The following SEC62 variants were observed in gnomAD, a reference collection of about 807,000 sequenced individuals.
The protein encoded by SEC62 is SEC62 preprotein translocation factor.
SEC62 carries 10 observed loss-of-function variants against 47.5 expected under a neutral mutation model. The ratio of observed to expected loss-of-function variants is 0.21; its 90% CI spans 0.13 to 0.36. The LOEUF (loss-of-function observed/expected upper bound fraction) is 0.36. Ranked by LOEUF, SEC62 falls within the 10% of genes least tolerant of loss-of-function variation. SEC62 has a pLI of 1.00. For missense variants in SEC62, 327 were observed against 464.1 expected (o/e 0.70, Z 2.71); for synonymous variants, 136 against 150.5 (o/e 0.90, Z 0.71).
intron 3 of SEC62, among the ~76,000 whole-genome samples, chr3:169,978,099 G>A (rs947079377): frequency 6.6e-6 from 1 of 152,106 alleles, no homozygotes; most frequent in African/African-American, 2.4e-5. Flanking sequence ...CTAACAAGGT[G>A]AAACCCCATC....
chr3:169,992,930 G>A lies in SEC62; in HGVS notation c.1067G>A (p.Ser356Asn). 1 of 1,614,038 alleles carries A rather than the reference G, an allele frequency of 6.2e-7. No homozygotes were observed. The highest frequency in any genetic ancestry group is 8.5e-7 in the Non-Finnish European group (1 of 1,180,008). The change falls in exon 8 of 8, where the codon AGT becomes AAT. Residue 356 changes from serine (S) to asparagine (N), a missense_variant. This residue lies in a region of SEC62 where 102 missense variants were observed against 108.8 expected (regional missense o/e 0.94). Transcript: ENST00000337002. This position sits in a 1 kb window ranked among gnomAD's most constrained non-coding sequence, Gnocchi z 4.0. ...AGGGAAGATGATCGATCCCAGCACA[G>A]TAGTGGAAATGGAAATGATTTTGAA... ...DRREDDRSQH[S>N]SGNGNDFEMI... is the part of the protein sequence containing the mutation.
intron 6 of SEC62, among the ~76,000 whole-genome samples, chr3:169,987,977 A>G (rs1317937910): frequency 6.6e-6 from 1 of 152,238 alleles, no homozygotes; most frequent in East Asian, 1.9e-4. Context: ...AGGAGGCAAC[A>G]GTTTTGAATT....
At position 169,994,616 on chromosome 3, in the gene SEC62, A is replaced by G. The variant is rs1715331417; in HGVS notation, c.*1553A>G. 2.0e-5 allele frequency: 3 copies of G among 152,322 alleles called. No homozygotes were observed. The highest frequency in any genetic ancestry group is 3.9e-4 in the East Asian group (2 of 5,192). The allele number at this position is 152,322 out of a possible 1,614,324, so 9.4% of individuals were successfully genotyped here. ...GTTTCTTTTTAGCAAATAAATGTTC[A>G]TTGATGAAGTGCCTGGGTATTTTCC... On this transcript the variant is annotated 3_prime_UTR_variant, in exon 8 of 8. Transcript: ENST00000337002.
intron 3 of SEC62, among the ~76,000 whole-genome samples, chr3:169,980,117 A>C (rs1314634867): frequency 6.6e-6 from 1 of 152,250 alleles, no homozygotes; most frequent in African/African-American, 2.4e-5. Flanking sequence ...TCCCTACATC[A>C]AAACATATTC....
chr3:169,967,368 G>C (rs558449891), intron 1 of SEC62, among the ~76,000 whole-genome samples: 2 of 152,290 alleles, frequency 1.3e-5, no homozygotes, highest in African/African-American at 4.8e-5. Context: ...TCTGGACTTG[G>C]TCAGCTGCCT....
intron 5 of SEC62, 77 bp downstream of exon 5, chr3:169,983,330 A>G: frequency 1.2e-6 from 1 of 861,774 alleles, no homozygotes; most frequent in Non-Finnish European, 1.8e-6. Context: ...TTCACTAATA[A>G]AAGGAAAAAT....
At chr3:169,983,884 T>G (rs1715036799) in intron 5 of SEC62, 1 of 152,200 alleles carries the variant, frequency 6.6e-6, no homozygotes, top group African/African-American at 2.4e-5. Context: ...AGGAGATAGC[T>G]ACAAGTCTCT....
intron 7 of SEC62, among the ~76,000 whole-genome samples, chr3:169,990,022 CATATATATCAT>C (rs1559967907): frequency 3.5e-5 from 5 of 141,176 alleles, no homozygotes; most frequent in Admixed American, 1.4e-4. Context: ...TATTATATAT[CATATATATCAT>C]ATAATATATA....
chr3:169,981,912 G>C (rs1268944666), intron 3 of SEC62, among the ~76,000 whole-genome samples: 1 of 152,130 alleles, frequency 6.6e-6, no homozygotes, highest in Non-Finnish European at 1.5e-5. Context: ...TTGTGGTTGA[G>C]GGAAAACTTG....
chr3:169,983,618 A>G lies in SEC62; in HGVS notation c.549+365A>G, dbSNP rs1715030691. 1.9e-5 allele frequency: 3 copies of G among 157,592 alleles called. No individual in the cohort carries two copies. In the Admixed American group the frequency reaches 1.9e-4, roughly 10 times the overall value. The allele number at this position is 157,592 out of a possible 1,614,324, so 9.8% of individuals were successfully genotyped here. On this transcript the variant is annotated intron_variant, in intron 5 of 7. Coordinates refer to ENST00000337002, the MANE Select transcript of SEC62 (RefSeq NM_003262.4). ...TAAGGTTACCTTATGGTCCAGAATG[A>G]CTGCCAATCTTATATCTGCATCGAA... is the stretch of plus-strand genomic sequence containing the variant.
chr3:169,994,512 A>G lies in SEC62; in HGVS notation c.*1449A>G, dbSNP rs546527426. ...TTAAACTTGGCTTGATTGCTTCTTT[A>G]TAGTAGTCCCTGTAAGTGGACATAA... On this transcript the variant is annotated 3_prime_UTR_variant, in exon 8 of 8. Transcript: ENST00000337002. 12 of 152,722 alleles carry G rather than the reference A, an allele frequency of 7.9e-5. No individual in the cohort carries two copies. In the South Asian group the frequency reaches 2.5e-3, roughly 32 times the overall value. The allele number at this position is 152,722 out of a possible 1,614,324, so 9.5% of individuals were successfully genotyped here.
At position 169,982,737 on chromosome 3, in the gene SEC62, C is replaced by G. The variant is rs35176867; in HGVS notation, c.282C>G (p.Ala94=). The change falls in exon 4 of 8, where the codon GCC becomes GCG. Residue 94 remains alanine, a synonymous_variant. Transcript: ENST00000337002. ...RLLKKQFFHR[A]LKVMKMKYDK... ...TAAAGAAGCAGTTTTTTCACCGAGC[C>G]CTAAAAGTAATGAAAATGAAATATG... The G allele has an allele frequency of 3.2e-3, 5,211 of 1,604,808 alleles. 177 individuals carry two copies. In the African/African-American group the frequency reaches 0.063, roughly 20 times the overall value.
Position 169,982,746 on chromosome 3 carries a change from A to C in SEC62, c.291A>C (p.Val97=), listed in dbSNP as rs140128825. 3.1e-4 allele frequency: 501 copies of C among 1,608,634 alleles called. No individual in the cohort carries two copies. Among genetic ancestry groups the C allele is most frequent in the Non-Finnish European group, 4.1e-4 (479 of 1,176,656 alleles). ...KKQFFHRALK[V]MKMKYDKDIK... The stretch of plus-strand genomic sequence containing the variant: ...AGTTTTTTCACCGAGCCCTAAAAGT[A>C]ATGAAAATGAAATATGATAAAGACA... Residue 97 remains valine (V), a synonymous_variant, in exon 4 of 8, where the codon GTA becomes GTC. Transcript: ENST00000337002.
intron 1 of SEC62, among the ~76,000 whole-genome samples, chr3:169,968,762 T>A (rs1489092126): frequency 6.6e-6 from 1 of 152,184 alleles, no homozygotes; most frequent in Non-Finnish European, 1.5e-5. Context: ...TTCAGTAAAC[T>A]ATTAGGTTGG....
At chr3:169,991,979 A>C (rs1390309918) in intron 7 of SEC62, among the ~76,000 whole-genome samples, 3 of 152,238 alleles carry the variant, frequency 2.0e-5, no homozygotes, top group Non-Finnish European at 4.4e-5. Context: ...TATAATATTT[A>C]ATAGTTTTTG....
intron 3 of SEC62, among the ~76,000 whole-genome samples, chr3:169,980,401 CCAAA>C (rs796084920): frequency 1.1e-4 from 16 of 151,674 alleles, no homozygotes; most frequent in African/African-American, 3.9e-4. Context: ...GGGTTTAAAG[CCAAA>C]CAAACGGAGG....
intron 2 of SEC62, among the ~76,000 whole-genome samples, chr3:169,976,658 A>G (rs1237911235): frequency 2.6e-5 from 4 of 152,346 alleles, no homozygotes; most frequent in African/African-American, 7.2e-5. Context: ...TGATAGTTAC[A>G]TACAGATATT....
chr3:169,986,484 A>G (rs774654897), intron 6 of SEC62, among the ~76,000 whole-genome samples: 8 of 152,172 alleles, frequency 5.3e-5, no homozygotes, highest in South Asian at 2.1e-4. Context: ...AATTTACCCT[A>G]TGCCATAATC....
chr3:169,979,456 T>C (rs1221753073), intron 3 of SEC62, among the ~76,000 whole-genome samples: 1 of 152,244 alleles, frequency 6.6e-6, no homozygotes, highest in African/African-American at 2.4e-5. Flanking sequence ...TTTTATGGCC[T>C]ATATCATGAA....
Sources: allele counts gnomAD v4.1 joint callset (sites outside exome capture counted in the v4.1 genomes callset), GRCh38; gene constraint gnomAD v4.1.1; regional missense constraint gnomAD v4.1.1; non-coding constraint Gnocchi (gnomAD v3.1); transcripts MANE v1.5; gene names NCBI Gene and HGNC (gene_info 2026-07-23, HGNC 2026-07-21).